The following MLPH variants were observed in gnomAD, a reference collection of about 807,000 sequenced individuals.
MLPH encodes melanophilin, also known as exophilin-3.
Under a neutral mutation model 72.1 loss-of-function variants are expected in MLPH, and 51 were observed. The ratio of observed to expected loss-of-function variants is 0.71; its 90% CI spans 0.56 to 0.89. The LOEUF (loss-of-function observed/expected upper bound fraction) is 0.89, where lower values mean the gene tolerates loss of function less well. Among genes scored for constraint, MLPH ranks in the 40% least tolerant of loss-of-function variants. The pLI, the probability that MLPH is intolerant of heterozygous loss-of-function variation, is 0.00. For missense variants in MLPH, 743 were observed against 759.9 expected, an observed-to-expected ratio of 0.98 and a Z score of 0.26; for synonymous variants, 301 against 310.1, an observed-to-expected ratio of 0.97 and a Z score of 0.31.
chr2:237,499,748 T>TTTTGTTTG, intron 2 of MLPH, among the ~76,000 whole-genome samples: 1 of 152,294 alleles, frequency 6.6e-6, no homozygotes, highest in South Asian at 2.1e-4. Context: ...TTTACTTTTT[T>TTTTGTTTG]TTTGTTTGTT....
At position 237,541,060 on chromosome 2, in the gene MLPH, T is replaced by C; in HGVS notation, c.1446+103T>C. ...AGCTCTAACATCCGCCAGCTCACAC[T>C]GAGCCCTCCCCATTGGCCCAGCATG... is the stretch of plus-strand genomic sequence containing the variant. On this transcript the variant is annotated intron_variant, in intron 11 of 15. Transcript: ENST00000264605. This position sits in a 1 kb window ranked among gnomAD's most constrained non-coding sequence, Gnocchi z 5.1. 1.4e-6 allele frequency: 2 copies of C among 1,436,116 alleles called. No homozygotes were observed. The highest frequency in any genetic ancestry group is 1.9e-6 in the Non-Finnish European group (2 of 1,046,000). The allele number at this position is 1,436,116 out of a possible 1,614,324, so 89.0% of individuals were successfully genotyped here. A position where few individuals can be genotyped will look rare whatever the true frequency, so the allele number is the denominator to read the frequency against.
chr2:237,491,583 G>A (rs1161447529), intron 1 of MLPH, among the ~76,000 whole-genome samples: 1 of 152,176 alleles, frequency 6.6e-6, no homozygotes, highest in African/African-American at 2.4e-5. Flanking sequence ...AACTGTTAAG[G>A]GGTATAAAGA....
intron 2 of MLPH, among the ~76,000 whole-genome samples, chr2:237,509,559 C>A (rs1198287702): frequency 6.6e-6 from 1 of 152,210 alleles, no homozygotes; most frequent in East Asian, 1.9e-4. Flanking sequence ...TTTACCTTGT[C>A]AATGCAGCTT....
chr2:237,546,056 G>C (rs1559378497), intron 12 of MLPH, among the ~76,000 whole-genome samples: 1 of 152,178 alleles, frequency 6.6e-6, no homozygotes, highest in Non-Finnish European at 1.5e-5. Context: ...TCAATCAGTA[G>C]GTGTAAGATG....
rs145136691 is a variant in MLPH at position 237,511,502 on chromosome 2, C to A, written c.445+401C>A. On this transcript the variant is annotated intron_variant, in intron 4 of 15. Coordinates refer to ENST00000264605, the MANE Select transcript of MLPH (RefSeq NM_024101.7). ...GAAGTCCTGGGTGCTGCTGAAGTTG[C>A]CAATATTTGAAATTATATTGTTTTC... The A allele has an allele frequency of 3.0e-3, 590 of 193,610 alleles. 23 individuals carry two copies. The East Asian group carries it at 0.066, about 22-fold the overall frequency. The allele number at this position is 193,610 out of a possible 1,614,324, so 12.0% of individuals were successfully genotyped here.
chr2:237,488,318 C>T (rs932136739), intron 1 of MLPH, among the ~76,000 whole-genome samples: 1 of 152,080 alleles, frequency 6.6e-6, no homozygotes, highest in Non-Finnish European at 1.5e-5. Context: ...TTGCAGACCG[C>T]GTTGCTGAGC....
rs2079742106 is a variant in MLPH at position 237,505,283 on chromosome 2, G to A, written c.111-5291G>A. Among the ~76,000 whole-genome samples, 1 of 152,172 alleles carries A rather than the reference G, an allele frequency of 6.6e-6. No homozygotes were observed. The highest frequency in any genetic ancestry group is 2.1e-4 in the South Asian group (1 of 4,832). On this transcript the variant is annotated intron_variant, in intron 2 of 15. Transcript: ENST00000264605. This position sits in a 1 kb window ranked among gnomAD's most constrained non-coding sequence, Gnocchi z 4.5. The stretch of plus-strand genomic sequence containing the variant: ...TGAGATACGGATGGCACCCACCACT[G>A]AGACCCTGATCCCAGCCACATACCC...
chr2:237,542,536 G>C (rs2080714175), intron 11 of MLPH, 31 bp from the exon 12 acceptor site: 2 of 1,546,938 alleles, frequency 1.3e-6, no homozygotes, highest in African/African-American at 1.4e-5. Context: ...GCGTCTGTCT[G>C]ACGGGCCTTC....
intron 12 of MLPH, 37 bp from the exon 13 acceptor site, chr2:237,546,569 G>T: frequency 1.3e-6 from 2 of 1,589,758 alleles, no homozygotes; most frequent in Non-Finnish European, 1.7e-6. Flanking sequence ...GTGGCTGGAG[G>T]TTCAACAATA....
chr2:237,550,829 G>A (rs1206843926), intron 14 of MLPH, among the ~76,000 whole-genome samples: 6 of 152,148 alleles, frequency 3.9e-5, no homozygotes, highest in Non-Finnish European at 5.9e-5. Context: ...GATTACAGGC[G>A]TGAGCCACCG....
chr2:237,530,358 C>T lies in MLPH; in HGVS notation c.1020+2842C>T, dbSNP rs537726672. ...GACATCCTGTCACTTTGCTTCTGCA[C>T]CCAGAGAAATGATCTACCAAAAATG... On this transcript the variant is annotated intron_variant, in intron 8 of 15. Coordinates refer to ENST00000264605, the MANE Select transcript of MLPH (RefSeq NM_024101.7). Among the ~76,000 whole-genome samples, 25 of 152,322 alleles carry T rather than the reference C, an allele frequency of 1.6e-4. No homozygotes were observed. In the South Asian group the frequency reaches 5.0e-3, roughly 30 times the overall value.
At chr2:237,515,660 C>T (rs1014510775) in intron 4 of MLPH, among the ~76,000 whole-genome samples, 2 of 152,132 alleles carry the variant, frequency 1.3e-5, no homozygotes, top group Admixed American at 1.3e-4. Context: ...CTGCATCCCC[C>T]ACAACTACCA....
intron 2 of MLPH, among the ~76,000 whole-genome samples, chr2:237,494,215 G>A (rs1463652112): frequency 2.0e-5 from 3 of 151,894 alleles, no homozygotes; most frequent in Non-Finnish European, 2.9e-5. Context: ...GAGGGCAGAG[G>A]GTGGAGGGCA....
chr2:237,542,361 A>AC (rs1037888573), intron 11 of MLPH, among the ~76,000 whole-genome samples: 22 of 150,668 alleles, frequency 1.5e-4, no homozygotes, highest in East Asian at 7.8e-4. Context: ...CATAAGGAAC[A>AC]CCCCCCCCTT....
Position 237,554,046 on chromosome 2 carries a change from G to C in MLPH, c.*454G>C, listed in dbSNP as rs138383975. 4,254 of 306,880 alleles carry C rather than the reference G, an allele frequency of 0.014. 47 individuals are homozygous for C. Among genetic ancestry groups the C allele is most frequent in the Non-Finnish European group, 0.021 (3,334 of 155,694 alleles). The allele number at this position is 306,880 out of a possible 1,614,324, so 19.0% of individuals were successfully genotyped here. On this transcript the variant is annotated 3_prime_UTR_variant, in exon 16 of 16. Transcript: ENST00000264605. ...TATCGGGGTGTGAGCAGATGTTTGC[G>C]TATTTCTTGTGGGTGTGACTGGATA... is the stretch of plus-strand genomic sequence containing the variant.
intron 13 of MLPH, 119 bp from the exon 14 acceptor site, chr2:237,549,102 G>A (rs1334253591): frequency 3.6e-6 from 3 of 838,670 alleles, no homozygotes; most frequent in African/African-American, 3.4e-5. Context: ...TTGCTAGAGA[G>A]CAGAAAATAG....
rs761759412 is a variant in MLPH at position 237,553,675 on chromosome 2, T to TC, written c.*85dup. The TC allele has an allele frequency of 2.2e-5, 34 of 1,574,012 alleles. No homozygotes were observed. In the African/African-American group the frequency reaches 4.2e-4, roughly 19 times the overall value. ...CCTGTCCCTCATTGGCTCTGTGCTT[T>TC]CCACTATACACAGTCACCGTCCCAA... On this transcript the variant is annotated 3_prime_UTR_variant, in exon 16 of 16. Coordinates refer to ENST00000264605, the MANE Select transcript of MLPH (RefSeq NM_024101.7).
intron 2 of MLPH, among the ~76,000 whole-genome samples, chr2:237,498,417 T>C (rs1181059683): frequency 2.0e-5 from 3 of 152,180 alleles, no homozygotes; most frequent in Admixed American, 6.5e-5. Context: ...AACACAACTT[T>C]GATTTCTCCT....
chr2:237,492,905 C>T (rs145140618), intron 1 of MLPH, among the ~76,000 whole-genome samples: 5 of 152,322 alleles, frequency 3.3e-5, no homozygotes, highest in Non-Finnish European at 5.9e-5. Context: ...ACAGAGCCTG[C>T]AGCATCGCTC....
Sources: allele counts gnomAD v4.1 joint callset (sites outside exome capture counted in the v4.1 genomes callset), GRCh38; gene constraint gnomAD v4.1.1; non-coding constraint Gnocchi (gnomAD v3.1); transcripts MANE v1.5; gene names NCBI Gene and HGNC (gene_info 2026-07-23, HGNC 2026-07-21).